Variants in MBD5 observed in about 807,000 individuals in gnomAD.
MBD5 encodes the protein methyl-CpG-binding domain protein 5.
Under a neutral mutation model 117.3 loss-of-function variants are expected in MBD5, and 13 were observed. The ratio of observed to expected loss-of-function variants is 0.11; its 90% CI spans 0.07 to 0.18. The LOEUF is 0.18. Among genes scored for constraint, MBD5 ranks in the 10% least tolerant of loss-of-function variants. The pLI is 1.00. For synonymous variants in MBD5, 727 were observed against 766.4 expected, an observed-to-expected ratio of 0.95 and a Z score of 0.85; for missense variants, 1,879 against 2,093.8, an observed-to-expected ratio of 0.90 and a Z score of 2.00.
At chr2:148,361,266 C>T (rs1703525436) in intron 4 of MBD5, among the ~76,000 whole-genome samples, 1 of 152,134 alleles carries the variant, frequency 6.6e-6, no homozygotes, top group South Asian at 2.1e-4. Context: ...AGGAGAATCT[C>T]TTGAACCCAG....
chr2:148,435,388 A>G (rs1706125321), intron 4 of MBD5, among the ~76,000 whole-genome samples: 1 of 152,256 alleles, frequency 6.6e-6, no homozygotes, highest in Admixed American at 6.5e-5. Context: ...AATGGCTGGT[A>G]ACAGTCTTTC....
intron 1 of MBD5, among the ~76,000 whole-genome samples, chr2:148,132,762 A>C (rs961608323): frequency 1.3e-5 from 2 of 152,204 alleles, no homozygotes; most frequent in African/African-American, 4.8e-5. Flanking sequence ...TCATCAATTA[A>C]TCATACATCA....
At chr2:148,504,742 A>G (rs1172187609) in intron 12 of MBD5, among the ~76,000 whole-genome samples, 1 of 152,204 alleles carries the variant, frequency 6.6e-6, no homozygotes, top group East Asian at 1.9e-4. Context: ...CATAGGCATC[A>G]GCCACACAAA....
At chr2:148,229,175 C>A (rs1699920039) in intron 2 of MBD5, among the ~76,000 whole-genome samples, 1 of 148,960 alleles carries the variant, frequency 6.7e-6, no homozygotes. Flanking sequence ...ATTGTTTTTT[C>A]TTTTCTTTCT....
At chr2:148,345,610 TATATACAC>T in intron 4 of MBD5, among the ~76,000 whole-genome samples, 1 of 113,904 alleles carries the variant, frequency 8.8e-6, no homozygotes, top group East Asian at 2.0e-4. Flanking sequence ...CATACATATG[TATATACAC>T]GTATACACAT....
chr2:148,285,960 A>G (rs1259760196), intron 3 of MBD5, among the ~76,000 whole-genome samples: 1 of 152,078 alleles, frequency 6.6e-6, no homozygotes, highest in African/African-American at 2.4e-5. Flanking sequence ...CTTATTCTTC[A>G]GAATAGTGTA....
chr2:148,059,146 G>T (rs970115425), intron 1 of MBD5, among the ~76,000 whole-genome samples: 1 of 152,064 alleles, frequency 6.6e-6, no homozygotes, highest in African/African-American at 2.4e-5. Context: ...TGTTTATTGT[G>T]ATATTTGCTT....
intron 2 of MBD5, among the ~76,000 whole-genome samples, chr2:148,200,335 T>C (rs1347587218): frequency 6.6e-6 from 1 of 152,146 alleles, no homozygotes; most frequent in African/African-American, 2.4e-5. Context: ...TACAATCCAG[T>C]TTTTATAAAA....
chr2:148,490,685 T>G, intron 11 of MBD5, 91 bp downstream of exon 11: 1 of 1,518,804 alleles, frequency 6.6e-7, no homozygotes, highest in Non-Finnish European at 9.0e-7. Context: ...TTCTTTGGAT[T>G]TGAAATTAGG....
intron 1 of MBD5, among the ~76,000 whole-genome samples, chr2:148,074,507 G>GTTTTTTTTTTTTTGTTTTTTTTTTTTGT (rs11443189): frequency 8.8e-6 from 1 of 113,772 alleles, no homozygotes; most frequent in African/African-American, 3.5e-5. Flanking sequence ...TTTTTTTTTT[G>GTTTTTTTTTTTTTGTTTTTTTTTTTTGT]TTTTTTTTTT....
intron 1 of MBD5, among the ~76,000 whole-genome samples, chr2:148,176,304 G>GTTT (rs34981118): frequency 2.0e-5 from 2 of 98,918 alleles, no homozygotes; most frequent in Non-Finnish European, 4.1e-5. Context: ...TTAGAGTTTT[G>GTTT]TTTTTTTTTT....
At chr2:148,265,061 A>G (rs1700823151) in intron 3 of MBD5, 1 of 97,812 alleles carries the variant, frequency 1.0e-5, no homozygotes, top group Non-Finnish European at 2.4e-5. Context: ...GCATGTAGAC[A>G]CACGCACACA....
intron 2 of MBD5, among the ~76,000 whole-genome samples, chr2:148,231,001 GC>G (rs1424697395): frequency 1.3e-5 from 2 of 152,050 alleles, no homozygotes; most frequent in Non-Finnish European, 2.9e-5. Flanking sequence ...CAGCTGTATA[GC>G]CTGTGGTTAG....
chr2:148,389,250 ACATATATATATATATATATAT>A lies in MBD5; in HGVS notation c.-557+46915_-557+46935del, dbSNP rs1258062926. Among the ~76,000 whole-genome samples the A allele has an allele frequency of 2.7e-4, 8 of 29,120 alleles. 1 individual carries two copies. The highest frequency in any genetic ancestry group is 9.8e-4 in the African/African-American group (8 of 8,176). The allele number at this position is 29,120 out of a possible 152,430, so 19.1% of individuals were successfully genotyped here. A position where few individuals can be genotyped will look rare whatever the true frequency, so the allele number is the denominator to read the frequency against. ...AATGTGATATAAATAGGAAAAAAAA[ACATATATATATATATATATAT>A]ATATATATATATATATATATATATA... On this transcript the variant is annotated intron_variant, in intron 4 of 13. Transcript: ENST00000642680.
At chr2:148,265,439 A>C (rs1228524825) in intron 3 of MBD5, among the ~76,000 whole-genome samples, 2 of 152,188 alleles carry the variant, frequency 1.3e-5, no homozygotes, top group Middle Eastern at 3.2e-3. Context: ...TTAGAAGGAC[A>C]TACTATTCTG....
At chr2:148,309,441 T>C (rs184658883) in intron 3 of MBD5, among the ~76,000 whole-genome samples, 1 of 152,282 alleles carries the variant, frequency 6.6e-6, no homozygotes, top group East Asian at 1.9e-4. Context: ...TCACTCATGA[T>C]TAGGCTGTCT....
At chr2:148,144,026 A>G (rs553454146) in intron 1 of MBD5, among the ~76,000 whole-genome samples, 14 of 152,344 alleles carry the variant, frequency 9.2e-5, no homozygotes, top group African/African-American at 2.9e-4. Context: ...AGGAATCGCT[A>G]CACTGTCTTC....
chr2:148,434,415 C>G (rs1706093483), intron 4 of MBD5, among the ~76,000 whole-genome samples: 1 of 151,946 alleles, frequency 6.6e-6, no homozygotes. Context: ...CTTTTGCTAG[C>G]TTTGGGGTTA....
At chr2:148,335,795 CCAGA>C (rs1485289344) in intron 3 of MBD5, among the ~76,000 whole-genome samples, 4 of 152,030 alleles carry the variant, frequency 2.6e-5, no homozygotes, top group African/African-American at 7.2e-5. Context: ...CCACCATGAG[CCAGA>C]CAATTTGCTT....
Sources: gnomAD v4.1 joint callset for allele counts (sites outside exome capture counted in the v4.1 genomes callset) on GRCh38, gnomAD v4.1.1 for gene constraint, MANE v1.5 for transcripts, NCBI Gene and HGNC (gene_info 2026-07-23, HGNC 2026-07-21) for gene names.